C2orf69: variants seen among roughly 807,000 people sequenced by gnomAD.
C2orf69 encodes chromosome 2 open reading frame 69, also known as mitochondrial protein C2orf69.
A neutral mutation model predicts 29.5 loss-of-function variants in C2orf69; 19 were observed. The observed-to-expected ratio is 0.65, with a 90% CI of 0.45 to 0.95. C2orf69 has a LOEUF of 0.95. C2orf69 is among the 40% of genes least tolerant of loss of function. C2orf69 has a pLI of 0.00. For synonymous variants in C2orf69, 194 were observed against 180.0 expected (o/e 1.08, Z -0.62); for missense variants, 416 against 482.1 (o/e 0.86, Z 1.28).
Position 199,911,478 on chromosome 2 carries a change from C to G in C2orf69, c.40C>G (p.Leu14Val), listed in dbSNP as rs1272334086. ...FRLLRSPPLL[L>V]LLPQLGIGNA... ...GCTCCTGCGGTCGCCGCCGTTGCTGCTCCTGCTGCCGCAGCTCGGAATCGG... is the reference window on the plus strand; with the variant it reads ...GCTCCTGCGGTCGCCGCCGTTGCTGGTCCTGCTGCCGCAGCTCGGAATCGG... The change falls in exon 1 of 2, where the codon CTC becomes GTC. Residue 14 changes from leucine to valine, a missense_variant. Physicochemically the swap from Leu to Val is conservative, Grantham distance 32. Transcript: ENST00000319974. 2 of 1,546,400 alleles carry G rather than the reference C, an allele frequency of 1.3e-6. No individual in the cohort carries two copies. The highest frequency in any genetic ancestry group is 2.8e-5 in the African/African-American group (2 of 72,676).
rs1215194345 is a variant in C2orf69 at position 199,911,404 on chromosome 2, C to G, written c.-35C>G. 6.9e-7 allele frequency: 1 copy of G among 1,445,862 alleles called. No individual in the cohort carries two copies. The highest frequency in any genetic ancestry group is 2.7e-5 in the East Asian group (1 of 36,994). 89.6% of individuals were successfully genotyped at this position (1,445,862 alleles called of 1,614,324 possible). A position where few individuals can be genotyped will look rare whatever the true frequency, so the allele number is the denominator to read the frequency against. The stretch of plus-strand genomic sequence containing the variant: ...CCTCCCTCAGGAACCCCTCCGCCAC[C>G]CTCCACCTCCGAACCGCTCTCGCGG... On this transcript the variant is annotated 5_prime_UTR_variant, in exon 1 of 2. Coordinates refer to ENST00000319974, the MANE Select transcript of C2orf69 (RefSeq NM_153689.6).
rs2077262269 is a variant in C2orf69, at chr2:199,911,713, A to G, written c.275A>G (p.Lys92Arg). The G allele has an allele frequency of 5.8e-6, 9 of 1,544,660 alleles. No individual in the cohort carries two copies. The highest frequency in any genetic ancestry group is 7.0e-6 in the Non-Finnish European group (8 of 1,146,914). ...CAGGACCTCCCCGGGGACCCAGCGAAGGAGGAGCCGCAGCCGCCGCCCCAG... is the reference window on the plus strand; with the variant it reads ...CAGGACCTCCCCGGGGACCCAGCGAGGGAGGAGCCGCAGCCGCCGCCCCAG... ...ERQDLPGDPA[K>R]EEPQPPPQHH... Residue 92 changes from lysine to arginine, a missense_variant, in exon 1 of 2, where the codon AAG (lysine) becomes AGG (arginine). Lys to Arg is a conservative substitution (Grantham distance 26). Around this residue, in one of 4 missense-constraint regions of C2orf69, gnomAD observed 175 missense variants for 139.9 expected, o/e 1.25. Transcript: ENST00000319974.
At chr2:199,924,804 A>G (rs2077329524) in intron 1 of C2orf69, among the ~76,000 whole-genome samples, 2 of 152,320 alleles carry the variant, frequency 1.3e-5, no homozygotes, top group South Asian at 4.1e-4. Context: ...AAATTTTTAA[A>G]AACTTTTTAC....
rs2105678138 is a variant in C2orf69 at position 199,926,828 on chromosome 2, A to G, written c.*942A>G. 6.5e-6 allele frequency: 1 copy of G among 152,760 alleles called. No homozygotes were observed. 9.5% of individuals were successfully genotyped at this position (152,760 alleles called of 1,614,324 possible). ...ATTGGATAAAAATGTACTACAGAGC[A>G]AATTTCAAATTTTTCATTATATCAG... On this transcript the variant is annotated 3_prime_UTR_variant, in exon 2 of 2. Coordinates refer to ENST00000319974, the MANE Select transcript of C2orf69 (RefSeq NM_153689.6).
chr2:199,921,330 A>G (rs947478613), intron 1 of C2orf69, among the ~76,000 whole-genome samples: 1 of 152,030 alleles, frequency 6.6e-6, no homozygotes, highest in Non-Finnish European at 1.5e-5. Context: ...TTTAACATAT[A>G]TGGCAAACTA....
Position 199,911,891 on chromosome 2 carries a change from C to T in C2orf69, c.333+120C>T, listed in dbSNP as rs999584286. ...CCTTGCCTGAACACACCCACACATT[C>T]ACTGAGGGTGGCTCTTCCTCTACTC... is the stretch of plus-strand genomic sequence containing the variant. On this transcript the variant is annotated intron_variant, in intron 1 of 1. Transcript: ENST00000319974. The T allele has an allele frequency of 4.4e-6, 6 of 1,351,936 alleles. No homozygotes were observed. In the South Asian group the frequency reaches 8.2e-5, roughly 19 times the overall value. 83.7% of individuals were successfully genotyped at this position (1,351,936 alleles called of 1,614,324 possible).
chr2:199,914,744 T>TA (rs35946600), intron 1 of C2orf69, among the ~76,000 whole-genome samples: 1 of 152,204 alleles, frequency 6.6e-6, no homozygotes, highest in Non-Finnish European at 1.5e-5. Flanking sequence ...ACACTATACC[T>TA]AAAAAGCTTT....
chr2:199,911,548 G>T lies in C2orf69; in HGVS notation c.110G>T (p.Gly37Val). ...CAGGCCAGAACCATGAACCCGGGCG[G>T]CAGCGGCGGCGCGCGATGCTCCCTC... ...CSQARTMNPG[G>V]SGGARCSLSA... The change falls in exon 1 of 2, where the codon GGC becomes GTC. Residue 37 changes from glycine to valine, a missense_variant. This residue lies in a region of C2orf69 where 175 missense variants were observed against 139.9 expected (regional missense o/e 1.25). Transcript: ENST00000319974. The T allele has an allele frequency of 6.5e-7, 1 of 1,549,704 alleles. No individual in the cohort carries two copies. The highest frequency in any genetic ancestry group is 8.7e-7 in the Non-Finnish European group (1 of 1,146,704).
At chr2:199,922,118 C>G (rs915639282) in intron 1 of C2orf69, among the ~76,000 whole-genome samples, 1 of 136,486 alleles carries the variant, frequency 7.3e-6, no homozygotes, top group Non-Finnish European at 1.6e-5. Flanking sequence ...TTTTTTGAGG[C>G]AAGGTCTAAC....
intron 1 of C2orf69, among the ~76,000 whole-genome samples, chr2:199,913,237 T>A (rs1387488465): frequency 2.7e-5 from 1 of 36,606 alleles, no homozygotes; most frequent in Non-Finnish European, 5.2e-5. Context: ...TATTATAATA[T>A]ATATAATATA....
In C2orf69 at chr2:199,911,407, C is replaced by T; in HGVS notation, c.-32C>T. ...CCCTCAGGAACCCCTCCGCCACCCTCCACCTCCGAACCGCTCTCGCGGCGG... is the reference window on the plus strand; with the variant it reads ...CCCTCAGGAACCCCTCCGCCACCCTTCACCTCCGAACCGCTCTCGCGGCGG... On this transcript the variant is annotated 5_prime_UTR_variant, in exon 1 of 2. Transcript: ENST00000319974. 2 of 1,460,754 alleles carry T rather than the reference C, an allele frequency of 1.4e-6. No individual in the cohort carries two copies. The highest frequency in any genetic ancestry group is 9.0e-7 in the Non-Finnish European group (1 of 1,109,226). The allele number at this position is 1,460,754 out of a possible 1,614,324, so 90.5% of individuals were successfully genotyped here.
chr2:199,921,024 T>TG (rs2077313931), intron 1 of C2orf69, among the ~76,000 whole-genome samples: 1 of 131,790 alleles, frequency 7.6e-6, no homozygotes, highest in Admixed American at 8.2e-5. Flanking sequence ...TTTTTTTTTT[T>TG]GAGGTGGAGT....
intron 1 of C2orf69, among the ~76,000 whole-genome samples, chr2:199,913,019 G>C (rs1442108017): frequency 6.7e-6 from 1 of 149,088 alleles, no homozygotes; most frequent in Admixed American, 6.8e-5. Context: ...CTTAGAAACT[G>C]TGCTCTGAGT....
At chr2:199,921,001 G>T (rs1368740783) in intron 1 of C2orf69, among the ~76,000 whole-genome samples, 3 of 67,030 alleles carry the variant, frequency 4.5e-5, no homozygotes, top group Admixed American at 2.6e-4. Flanking sequence ...CTAGGAATTA[G>T]TTTTTTTTTT....
Position 199,913,004 on chromosome 2 carries a change from AC to A in C2orf69, c.333+1234del, listed in dbSNP as rs541807013. On this transcript the variant is annotated intron_variant, in intron 1 of 1. Transcript: ENST00000319974. The stretch of plus-strand genomic sequence containing the variant: ...TTTTCAAAATTGGTGCCTTAAAATG[AC>A]ATACTTAGAAACTGTGCTCTGAGTC... 7.8e-3 allele frequency among the ~76,000 whole-genome samples: 1,171 copies of A among 150,420 alleles called. 14 individuals are homozygous for A. Among genetic ancestry groups the A allele is most frequent in the African/African-American group, 0.027 (1,100 of 40,778 alleles).
chr2:199,924,973 T>G (rs2077330267), intron 1 of C2orf69, 89 bp from the exon 2 acceptor site: 3 of 781,694 alleles, frequency 3.8e-6, no homozygotes, highest in Non-Finnish European at 6.2e-6. Flanking sequence ...TAACATCCCT[T>G]CTCCACAATA....
intron 1 of C2orf69, 70 bp from the exon 2 acceptor site, chr2:199,924,992 A>C (rs2077330309): frequency 2.1e-6 from 2 of 955,720 alleles, no homozygotes; most frequent in South Asian, 1.7e-5. Flanking sequence ...TAAAAATGGA[A>C]ACTTATTTTG....
intron 1 of C2orf69, among the ~76,000 whole-genome samples, chr2:199,923,325 G>A (rs907100120): frequency 1.3e-5 from 2 of 152,134 alleles, no homozygotes; most frequent in African/African-American, 4.8e-5. Flanking sequence ...CAGTATCGTA[G>A]CCACTAATCA....
At position 199,927,901 on chromosome 2, in the gene C2orf69, A is replaced by C. The variant is rs1292344275; in HGVS notation, c.*2015A>C. 1.8e-4 allele frequency: 27 copies of C among 152,154 alleles called. No homozygotes were observed. The highest frequency in any genetic ancestry group is 1.2e-3 in the Admixed American group (19 of 15,274). The allele number at this position is 152,154 out of a possible 1,614,324, so 9.4% of individuals were successfully genotyped here. On this transcript the variant is annotated 3_prime_UTR_variant, in exon 2 of 2. Coordinates refer to ENST00000319974, the MANE Select transcript of C2orf69 (RefSeq NM_153689.6). ...TTTAAAAATAATTTTAAAAAATCAG[A>C]CATATTTAAAAATCTAGGTTGTCTA... is the stretch of plus-strand genomic sequence containing the variant.
Sources: gnomAD v4.1 joint callset for allele counts (sites outside exome capture counted in the v4.1 genomes callset) on GRCh38, gnomAD v4.1.1 for gene constraint, gnomAD v4.1.1 regional missense constraint, MANE v1.5 for transcripts, NCBI Gene and HGNC (gene_info 2026-07-23, HGNC 2026-07-21) for gene names.